NAV3: variants seen among roughly 807,000 people sequenced by gnomAD.
The protein encoded by NAV3 is neuron navigator 3, also known as pore membrane and/or filament interacting like protein 1.
A neutral mutation model predicts 244.7 loss-of-function variants in NAV3; 87 were observed. That is an observed-to-expected ratio of 0.36 (90% confidence interval 0.30 to 0.42). The LOEUF (loss-of-function observed/expected upper bound fraction) is 0.42. NAV3 is among the 20% of genes least tolerant of loss of function. The pLI, the probability that NAV3 is intolerant of heterozygous loss-of-function variation, is 1.00. For synonymous variants in NAV3, 1,126 were observed against 1,042.2 expected (o/e 1.08, Z -1.55); for missense variants, 2,663 against 2,893.3 (o/e 0.92, Z 1.83).
At chr12:77,600,334 G>A (rs1178689706) in intron 2 of NAV3, among the ~76,000 whole-genome samples, 1 of 151,830 alleles carries the variant, frequency 6.6e-6, no homozygotes, top group Non-Finnish European at 1.5e-5. Flanking sequence ...ACTGACTACT[G>A]ACTGGCCCAG....
intron 2 of NAV3, among the ~76,000 whole-genome samples, chr12:77,798,974 G>T (rs1401595576): frequency 6.6e-6 from 1 of 152,162 alleles, no homozygotes; most frequent in Non-Finnish European, 1.5e-5. Context: ...GCTTTTCTCT[G>T]CTCCATGTAT....
At chr12:77,586,052 C>T (rs1439259226) in intron 2 of NAV3, among the ~76,000 whole-genome samples, 1 of 152,022 alleles carries the variant, frequency 6.6e-6, no homozygotes, top group East Asian at 1.9e-4. Flanking sequence ...GTCCCAGGTA[C>T]TCGGGAGGCT....
chr12:77,909,216 A>AT (rs1886322608), intron 1 of NAV3, among the ~76,000 whole-genome samples: 1 of 152,036 alleles, frequency 6.6e-6, no homozygotes, highest in Admixed American at 6.6e-5. Context: ...AAAGATGATA[A>AT]TTTTTTCAAC....
chr12:78,068,527 G>A (rs139706539), intron 12 of NAV3, among the ~76,000 whole-genome samples: 40 of 149,882 alleles, frequency 2.7e-4, no homozygotes, highest in African/African-American at 8.0e-4. Flanking sequence ...CATTTCACAT[G>A]TGTGAGAGCG....
chr12:77,574,119 C>G (rs2136650637), intron 2 of NAV3, among the ~76,000 whole-genome samples: 1 of 152,226 alleles, frequency 6.6e-6, no homozygotes, highest in South Asian at 2.1e-4. Flanking sequence ...AGACCCCCAT[C>G]TCACTATAGC....
intron 22 of NAV3, among the ~76,000 whole-genome samples, chr12:78,158,560 A>G (rs410949): frequency 0.34 from 51,076 of 152,052 alleles, 9,171 homozygotes; most frequent in East Asian, 0.48. Context: ...ATGTGATGGA[A>G]TATTATTTCT....
At chr12:78,108,066 A>C (rs1954898095) in intron 12 of NAV3, among the ~76,000 whole-genome samples, 1 of 152,148 alleles carries the variant, frequency 6.6e-6, no homozygotes, top group Non-Finnish European at 1.5e-5. Context: ...ATTACAAGAA[A>C]CTTACCAGGC....
At chr12:77,981,672 C>CT (rs1346124780) in intron 5 of NAV3, among the ~76,000 whole-genome samples, 2 of 151,644 alleles carry the variant, frequency 1.3e-5, no homozygotes, top group African/African-American at 4.8e-5. Context: ...TAATTTCTGT[C>CT]TTTTTAACAT....
intron 19 of NAV3, 34 bp from the exon 20 acceptor site, chr12:78,140,248 G>T: frequency 4.4e-6 from 7 of 1,596,904 alleles, no homozygotes; most frequent in Non-Finnish European, 6.0e-6. Context: ...AGACCTTATT[G>T]TTTTAACTCT....
chr12:77,767,865 G>T (rs1869860086), intron 2 of NAV3, among the ~76,000 whole-genome samples: 1 of 152,236 alleles, frequency 6.6e-6, no homozygotes, highest in Non-Finnish European at 1.5e-5. Flanking sequence ...GTGTGTGACA[G>T]CCCTGTTTCT....
chr12:77,628,125 T>A (rs149879886), intron 2 of NAV3, among the ~76,000 whole-genome samples: 2 of 152,298 alleles, frequency 1.3e-5, no homozygotes, highest in Middle Eastern at 3.4e-3. Flanking sequence ...TATTTTGTTA[T>A]ATATTTCAAA....
At chr12:77,988,589 A>T (rs1391029444) in intron 5 of NAV3, among the ~76,000 whole-genome samples, 1 of 152,176 alleles carries the variant, frequency 6.6e-6, no homozygotes, top group Non-Finnish European at 1.5e-5. Flanking sequence ...TTTTAGTAGG[A>T]TCCACAATGA....
chr12:77,801,449 GA>G (rs1871698518), intron 2 of NAV3, among the ~76,000 whole-genome samples: 1 of 152,036 alleles, frequency 6.6e-6, no homozygotes, highest in African/African-American at 2.4e-5. Flanking sequence ...TGCTGAGAAA[GA>G]GGGGAGTTTT....
At chr12:77,917,532 G>C (rs550496726) in intron 1 of NAV3, among the ~76,000 whole-genome samples, 1 of 152,082 alleles carries the variant, frequency 6.6e-6, no homozygotes, top group African/African-American at 2.4e-5. Flanking sequence ...TATGTCTAAT[G>C]TTTTGCATGT....
At chr12:77,810,303 C>G (rs1872221629) in intron 2 of NAV3, among the ~76,000 whole-genome samples, 1 of 152,134 alleles carries the variant, frequency 6.6e-6, no homozygotes, top group Admixed American at 6.5e-5. Flanking sequence ...TCCCGAGTAG[C>G]TGGGACTACA....
chr12:78,010,481 A>C (rs1875075041), intron 8 of NAV3, among the ~76,000 whole-genome samples: 1 of 152,170 alleles, frequency 6.6e-6, no homozygotes, highest in Admixed American at 6.5e-5. Flanking sequence ...TGAACTCATG[A>C]GAAAAAATGT....
At chr12:77,976,040 C>T (rs1389312446) in intron 5 of NAV3, among the ~76,000 whole-genome samples, 1 of 152,108 alleles carries the variant, frequency 6.6e-6, no homozygotes, top group Non-Finnish European at 1.5e-5. Context: ...GAAACTCTAG[C>T]ATGGATAAGG....
chr12:77,859,954 GT>G (rs1322224461), intron 1 of NAV3, among the ~76,000 whole-genome samples: 1 of 151,540 alleles, frequency 6.6e-6, no homozygotes, highest in Non-Finnish European at 1.5e-5. Context: ...TCCATCACAA[GT>G]TGCATCAACT....
intron 22 of NAV3, among the ~76,000 whole-genome samples, chr12:78,155,668 C>T (rs1957274316): frequency 6.6e-6 from 1 of 152,128 alleles, no homozygotes; most frequent in Non-Finnish European, 1.5e-5. Flanking sequence ...GAAACCTCTG[C>T]AGCACCTGTT....
Sources: allele counts gnomAD v4.1 joint callset (sites outside exome capture counted in the v4.1 genomes callset), GRCh38; gene constraint gnomAD v4.1.1; transcripts MANE v1.5; gene names NCBI Gene and HGNC (gene_info 2026-07-23, HGNC 2026-07-21).